EPC2: variants seen among roughly 807,000 people sequenced by gnomAD.
The protein encoded by EPC2 is enhancer of polycomb 2.
EPC2 carries 14 observed loss-of-function variants against 92.1 expected under a neutral mutation model. The observed-to-expected ratio is 0.15, with a 90% CI of 0.10 to 0.24. The LOEUF is 0.24. Ranked by LOEUF, EPC2 falls within the 10% of genes least tolerant of loss-of-function variation. The probability of loss-of-function intolerance (pLI) is 1.00; values close to 1 mark genes in which losing one functional copy is unlikely to be tolerated. For missense variants in EPC2, 755 were observed against 971.5 expected, an observed-to-expected ratio of 0.78 and a Z score of 2.96; for synonymous variants, 340 against 334.7, an observed-to-expected ratio of 1.02 and a Z score of -0.17.
intron 2 of EPC2, among the ~76,000 whole-genome samples, chr2:148,723,916 A>C (rs982087115): frequency 6.6e-6 from 1 of 152,048 alleles, no homozygotes; most frequent in Admixed American, 6.6e-5. Flanking sequence ...TTCTATAAAA[A>C]CTTTAAAAAT....
intron 2 of EPC2, among the ~76,000 whole-genome samples, chr2:148,728,622 T>TGG (rs1682550701): frequency 1.3e-5 from 2 of 151,808 alleles, no homozygotes; most frequent in Admixed American, 1.3e-4. Flanking sequence ...CCCAGCTATT[T>TGG]GGGAGGCTGA....
Position 148,678,547 on chromosome 2 carries a change from C to T in EPC2, c.154-11667C>T, listed in dbSNP as rs115068625. Among the ~76,000 whole-genome samples, 69 of 152,374 alleles carry T rather than the reference C, an allele frequency of 4.5e-4. 2 individuals are homozygous for T. Among genetic ancestry groups the T allele is most frequent in the African/African-American group, 1.3e-3 (55 of 41,594 alleles). Reference sequence around the variant, plus strand: ...GCTGCAGGTCCCGAGCCCTGCCACACGGGAAGGCAGCTAAGGCCCTGCGAG... The same window carrying T: ...GCTGCAGGTCCCGAGCCCTGCCACATGGGAAGGCAGCTAAGGCCCTGCGAG... On this transcript the variant is annotated intron_variant, in intron 1 of 13. Coordinates refer to ENST00000258484, the MANE Select transcript of EPC2 (RefSeq NM_015630.4).
intron 2 of EPC2, among the ~76,000 whole-genome samples, chr2:148,729,186 G>T (rs1682568903): frequency 6.6e-6 from 1 of 152,024 alleles, no homozygotes; most frequent in Admixed American, 6.6e-5. Context: ...AAATCACTCT[G>T]TAGGAGTTAT....
chr2:148,730,519 A>G (rs1682595401), intron 2 of EPC2, among the ~76,000 whole-genome samples: 1 of 152,230 alleles, frequency 6.6e-6, no homozygotes, highest in South Asian at 2.1e-4. Context: ...TTAGAAATGC[A>G]CATTAACAAG....
At position 148,781,650 on chromosome 2, in the gene EPC2, G is replaced by A. The variant is rs763575882; in HGVS notation, c.1727G>A (p.Gly576Glu). 8.1e-6 allele frequency: 13 copies of A among 1,611,978 alleles called. No individual in the cohort carries two copies. Among genetic ancestry groups the A allele is most frequent in the South Asian group, 1.1e-5 (1 of 90,584 alleles). ...AATTCATGTTCTTTACCAGTAACAG[G>A]GGGTATCACAGAAGAGCAGTTTCAG... ...NTSKNGISVT[G>E]GITEEQFQTH... is the part of the protein sequence containing the mutation. The change falls in exon 11 of 14, where the codon GGG (glycine) becomes GAG (glutamate). Residue 576 changes from glycine to glutamate, a missense_variant. By Grantham distance (98) the Gly-to-Glu change is moderately conservative (BLOSUM62 -2). This residue lies in a region of EPC2 where 509 missense variants were observed against 607.7 expected (regional missense o/e 0.84). Coordinates refer to ENST00000258484, the MANE Select transcript of EPC2 (RefSeq NM_015630.4).
Position 148,786,457 on chromosome 2 carries a change from T to A in EPC2, c.*80T>A, listed in dbSNP as rs1683868998. On this transcript the variant is annotated 3_prime_UTR_variant, in exon 14 of 14. Transcript: ENST00000258484. ...GCTGAATGCAAAAGGCAACACTCTG[T>A]GGATCACAGAGTGTAACAATGGACC... The A allele has an allele frequency of 2.7e-6, 3 of 1,127,208 alleles. No individual in the cohort carries two copies. Among genetic ancestry groups the A allele is most frequent in the Non-Finnish European group, 3.9e-6 (3 of 759,692 alleles). The allele number at this position is 1,127,208 out of a possible 1,614,324, so 69.8% of individuals were successfully genotyped here.
At chr2:148,691,393 C>A in intron 2 of EPC2, 1 of 943,296 alleles carries the variant, frequency 1.1e-6, no homozygotes, top group Non-Finnish European at 1.6e-6. Flanking sequence ...TGACAACCTA[C>A]CTGTATGAGA....
intron 1 of EPC2, among the ~76,000 whole-genome samples, chr2:148,648,288 A>C (rs74663961): frequency 0.06 from 9,066 of 152,252 alleles, 284 homozygotes; most frequent in East Asian, 0.1. Context: ...TGTTTTCATG[A>C]GTGACAGCAA....
chr2:148,775,155 AGATT>A (rs1459742254), intron 10 of EPC2, among the ~76,000 whole-genome samples: 4 of 152,130 alleles, frequency 2.6e-5, no homozygotes, highest in Non-Finnish European at 5.9e-5. Flanking sequence ...GATAAAGAAT[AGATT>A]GATTGTGGTG....
At chr2:148,661,498 C>A (rs1680933826) in intron 1 of EPC2, among the ~76,000 whole-genome samples, 1 of 152,130 alleles carries the variant, frequency 6.6e-6, no homozygotes. Flanking sequence ...TAGTATGCTT[C>A]TAATTACATT....
intron 1 of EPC2, among the ~76,000 whole-genome samples, chr2:148,680,214 T>C (rs927785306): frequency 6.6e-6 from 1 of 152,164 alleles, no homozygotes; most frequent in Non-Finnish European, 1.5e-5. Flanking sequence ...GTCAATAGTT[T>C]AGATTTTACT....
intron 1 of EPC2, among the ~76,000 whole-genome samples, chr2:148,688,195 T>C (rs1278424839): frequency 2.0e-5 from 3 of 152,096 alleles, no homozygotes; most frequent in African/African-American, 7.2e-5. Context: ...ATTAAGAAAA[T>C]GTGGCACATA....
chr2:148,715,555 G>T (rs1235973210), intron 2 of EPC2, among the ~76,000 whole-genome samples: 1 of 151,868 alleles, frequency 6.6e-6, no homozygotes, highest in Non-Finnish European at 1.5e-5. Flanking sequence ...CTTATTTCTG[G>T]GTTCTCTATT....
At chr2:148,688,797 A>T (rs1246026169) in intron 1 of EPC2, among the ~76,000 whole-genome samples, 1 of 152,180 alleles carries the variant, frequency 6.6e-6, no homozygotes, top group Non-Finnish European at 1.5e-5. Context: ...TGGCCATTGT[A>T]CTAGGCATTA....
chr2:148,726,004 T>C (rs1014757250), intron 2 of EPC2, among the ~76,000 whole-genome samples: 1 of 152,184 alleles, frequency 6.6e-6, no homozygotes, highest in Non-Finnish European at 1.5e-5. Flanking sequence ...ATTCTGCTTT[T>C]TGTTTTTAAG....
intron 10 of EPC2, among the ~76,000 whole-genome samples, chr2:148,775,550 T>C (rs1424852867): frequency 3.4e-4 from 51 of 151,034 alleles, no homozygotes; most frequent in Admixed American, 3.4e-3. Flanking sequence ...TGTCATAATA[T>C]ACAGAATAGA....
rs74807506 is a variant in EPC2 at position 148,700,122 on chromosome 2, C to T, written c.313+9749C>T. Among the ~76,000 whole-genome samples the T allele has an allele frequency of 3.8e-3, 580 of 152,168 alleles. 2 individuals are homozygous for T. Among genetic ancestry groups the T allele is most frequent in the African/African-American group, 0.013 (549 of 41,510 alleles). ...AAGTGTTCTTTATATATTTTAGATA[C>T]GTGTCCTGTAGAGATATGTATTTTG... On this transcript the variant is annotated intron_variant, in intron 2 of 13. Transcript: ENST00000258484.
rs1176891010 is a variant in EPC2, at chr2:148,787,412, A to AGT, written c.*1038_*1039dup. 1.3e-5 allele frequency: 2 copies of AGT among 152,582 alleles called. No individual in the cohort carries two copies. The highest frequency in any genetic ancestry group is 6.5e-5 in the Admixed American group (1 of 15,272). 9.5% of individuals were successfully genotyped at this position (152,582 alleles called of 1,614,324 possible). Reference sequence around the variant, plus strand: ...TAAGCGTTGGACACCTTCATAGTGTAGTGTTTTAGTGACTTTTTTTATACG... The same window carrying AGT: ...TAAGCGTTGGACACCTTCATAGTGTAGTGTGTTTTAGTGACTTTTTTTATACG... On this transcript the variant is annotated 3_prime_UTR_variant, in exon 14 of 14. Transcript: ENST00000258484.
intron 1 of EPC2, among the ~76,000 whole-genome samples, chr2:148,685,310 C>T (rs1339281431): frequency 6.6e-6 from 1 of 151,934 alleles, no homozygotes; most frequent in Admixed American, 6.6e-5. Context: ...GCTCTTACAG[C>T]TGAAAGATAT....
Sources: allele counts gnomAD v4.1 joint callset (sites outside exome capture counted in the v4.1 genomes callset), GRCh38; gene constraint gnomAD v4.1.1; regional missense constraint gnomAD v4.1.1; transcripts MANE v1.5; gene names NCBI Gene and HGNC (gene_info 2026-07-23, HGNC 2026-07-21).